NECTIN3: variants seen among roughly 807,000 people sequenced by gnomAD.
NECTIN3 encodes the protein nectin-3.
A neutral mutation model predicts 49.4 loss-of-function variants in NECTIN3; 8 were observed. That is an observed-to-expected ratio of 0.16 (90% CI 0.10 to 0.29). The LOEUF is 0.29. Ranked by LOEUF, NECTIN3 falls within the 10% of genes least tolerant of loss-of-function variation. The pLI, the probability that NECTIN3 is intolerant of heterozygous loss-of-function variation, is 1.00. For synonymous variants in NECTIN3, 277 were observed against 241.1 expected (o/e 1.15, Z -1.38); for missense variants, 581 against 654.6 (o/e 0.89, Z 1.23).
At chr3:111,175,047 G>C (rs2035502267) in intron 7 of NECTIN3, among the ~76,000 whole-genome samples, 1 of 152,048 alleles carries the variant, frequency 6.6e-6, no homozygotes, top group Admixed American at 6.5e-5. Context: ...CGGGGATGGA[G>C]TGGGAAGATG....
chr3:111,183,438 A>G (rs149890340), intron 7 of NECTIN3, among the ~76,000 whole-genome samples: 6 of 152,028 alleles, frequency 3.9e-5, no homozygotes, highest in African/African-American at 1.4e-4. Flanking sequence ...TAGCCTCTCA[A>G]GTAGCTGGGG....
At chr3:111,130,626 T>C (rs1259696172) in intron 5 of NECTIN3, among the ~76,000 whole-genome samples, 1 of 152,134 alleles carries the variant, frequency 6.6e-6, no homozygotes, top group African/African-American at 2.4e-5. Flanking sequence ...AAAGTTCTGC[T>C]CAGAACAGAA....
intron 5 of NECTIN3, among the ~76,000 whole-genome samples, chr3:111,128,909 A>T (rs1374698535): frequency 6.6e-6 from 1 of 152,160 alleles, no homozygotes; most frequent in Non-Finnish European, 1.5e-5. Context: ...ATGTCAGCTC[A>T]TGTCACTCCT....
chr3:111,193,603 G>A (rs1002329727), intron 1 of NECTIN3: 13 of 532,586 alleles, frequency 2.4e-5, no homozygotes, highest in Admixed American at 6.4e-5. Flanking sequence ...AGCTTTGTGT[G>A]TTTCTGTGAT....
chr3:111,135,708 C>G lies in NECTIN3; in HGVS notation c.*1493C>G, dbSNP rs992292376. 1 of 957,222 alleles carries G rather than the reference C, an allele frequency of 1.0e-6. No homozygotes were observed. The highest frequency in any genetic ancestry group is 1.2e-6 in the Non-Finnish European group (1 of 804,602). 59.3% of individuals were successfully genotyped at this position (957,222 alleles called of 1,614,324 possible). Reference sequence around the variant, plus strand: ...ACTTTTTAAACCCTCCCAACCAGCCCTTTCTCAATATTCATCAAATCTAAA... The same window carrying G: ...ACTTTTTAAACCCTCCCAACCAGCCGTTTCTCAATATTCATCAAATCTAAA... On this transcript the variant is annotated 3_prime_UTR_variant, in exon 6 of 6. Transcript: ENST00000485303.
chr3:111,122,326 A>T (rs2033991255), intron 4 of NECTIN3, 88 bp downstream of exon 4: 3 of 943,466 alleles, frequency 3.2e-6, no homozygotes, highest in Non-Finnish European at 4.7e-6. Context: ...TGTATAATAC[A>T]TGATTATAGT....
At position 111,112,254 on chromosome 3, in the gene NECTIN3, A is replaced by C; in HGVS notation, c.385A>C (p.Asn129His). 2.5e-6 allele frequency: 4 copies of C among 1,613,624 alleles called. No homozygotes were observed. Among genetic ancestry groups the C allele is most frequent in the Non-Finnish European group, 3.4e-6 (4 of 1,179,634 alleles). Residue 129 changes from asparagine to histidine, a missense_variant, in exon 2 of 6, where the codon AAT (asparagine) becomes CAT (histidine). By Grantham distance (68) the Asn-to-His change is moderately conservative. Transcript: ENST00000485303. ...AGTCTTGTTTAAAAATTACTCACTTAATGATGCAACAATTACTCTGCATAA... is the reference window on the plus strand; with the variant it reads ...AGTCTTGTTTAAAAATTACTCACTTCATGATGCAACAATTACTCTGCATAA... ...GRVLFKNYSL[N>H]DATITLHNIG...
At chr3:111,167,493 C>T (rs530323337) in intron 7 of NECTIN3, among the ~76,000 whole-genome samples, 1 of 152,272 alleles carries the variant, frequency 6.6e-6, no homozygotes, top group South Asian at 2.1e-4. Context: ...TAAAAACTGA[C>T]CTATTCTTTA....
intron 5 of NECTIN3, among the ~76,000 whole-genome samples, chr3:111,128,014 T>C (rs1036346860): frequency 6.6e-6 from 1 of 152,196 alleles, no homozygotes; most frequent in Non-Finnish European, 1.5e-5. Context: ...TTGTAGACCT[T>C]AGACTCAATA....
intron 5 of NECTIN3, among the ~76,000 whole-genome samples, chr3:111,132,132 G>C (rs948472344): frequency 1.3e-5 from 2 of 151,572 alleles, no homozygotes; most frequent in Admixed American, 6.6e-5. Context: ...TTCTACACTT[G>C]TTTTCTTGGG....
chr3:111,176,949 A>G (rs1353658263), intron 7 of NECTIN3, among the ~76,000 whole-genome samples: 1 of 152,192 alleles, frequency 6.6e-6, no homozygotes, highest in Non-Finnish European at 1.5e-5. Context: ...CACTTAGTAT[A>G]TAGCCTGTTG....
chr3:111,191,754 C>A (rs1035795163), upstream of NECTIN3, among the ~76,000 whole-genome samples: 17 of 152,142 alleles, frequency 1.1e-4, no homozygotes, highest in African/African-American at 2.9e-4. Context: ...AGACAGAAGA[C>A]CTTCTGTGGT....
At chr3:111,127,898 A>T (rs935063257) in intron 5 of NECTIN3, among the ~76,000 whole-genome samples, 1 of 152,242 alleles carries the variant, frequency 6.6e-6, no homozygotes, top group South Asian at 2.1e-4. Context: ...ATATTAGTAT[A>T]TTACTCTCTC....
At chr3:111,074,529 C>T (rs763506623) in intron 1 of NECTIN3, among the ~76,000 whole-genome samples, 1 of 151,972 alleles carries the variant, frequency 6.6e-6, no homozygotes, top group Non-Finnish European at 1.5e-5. Flanking sequence ...TTAACTTTAT[C>T]GTGTTAATTT....
chr3:111,113,094 C>T (rs571999054), intron 2 of NECTIN3, among the ~76,000 whole-genome samples: 2 of 152,286 alleles, frequency 1.3e-5, no homozygotes, highest in South Asian at 2.1e-4. Context: ...TAGCTGACAG[C>T]GTCCAGCTGT....
chr3:111,146,678 T>C (rs2034884141), intron 6 of NECTIN3, among the ~76,000 whole-genome samples: 1 of 152,150 alleles, frequency 6.6e-6, no homozygotes, highest in South Asian at 2.1e-4. Flanking sequence ...TTAATACAGA[T>C]AACTTTTTGA....
At chr3:111,130,002 C>CT (rs1300805707) in intron 5 of NECTIN3, among the ~76,000 whole-genome samples, 2 of 146,770 alleles carry the variant, frequency 1.4e-5, no homozygotes, top group African/African-American at 5.1e-5. Context: ...GTCGCCCAGG[C>CT]TTGAGTGCAG....
chr3:111,163,434 T>TG (rs551588398), intron 7 of NECTIN3, among the ~76,000 whole-genome samples: 363 of 152,306 alleles, frequency 2.4e-3, no homozygotes, highest in African/African-American at 8.3e-3. Context: ...GGAAAGTCTG[T>TG]GTGACTAGAA....
Position 111,133,974 on chromosome 3 carries a change from TA to T in NECTIN3, c.1416del (p.Glu473LysfsTer6). On this transcript the variant is annotated frameshift_variant, in exon 6 of 6. Coordinates refer to ENST00000485303, the MANE Select transcript of NECTIN3 (RefSeq NM_015480.3). LOFTEE classifies it high-confidence loss of function. ...GAGCTTGATTCTTACCCAGACAGTG[TA>T]AAAAAAGAAAACAAAAATCCAGTGA... ...QDELDSYPDS[V>X]KKENKNPVNN... is the part of the protein sequence containing the mutation. 1 of 1,612,986 alleles carries T rather than the reference TA, an allele frequency of 6.2e-7. No homozygotes were observed. Among genetic ancestry groups the T allele is most frequent in the Non-Finnish European group, 8.5e-7 (1 of 1,179,624 alleles).
Sources: allele counts gnomAD v4.1 joint callset (sites outside exome capture counted in the v4.1 genomes callset), GRCh38; gene constraint gnomAD v4.1.1; transcripts MANE v1.5; gene names NCBI Gene and HGNC (gene_info 2026-07-23, HGNC 2026-07-21).